Variants in FRZB observed in about 807,000 individuals in gnomAD.
The protein encoded by FRZB is secreted frizzled-related protein 3.
In FRZB, 34 loss-of-function variants were observed where a neutral mutation model predicts 32.5. That is an observed-to-expected ratio of 1.05 (90% CI 0.80 to 1.39). The LOEUF (loss-of-function observed/expected upper bound fraction) is 1.39, where lower values mean the gene tolerates loss of function less well. Among genes scored for constraint, FRZB ranks in the 40% most tolerant of loss-of-function variants. FRZB has a pLI of 0.00. For missense variants in FRZB, 423 were observed against 424.8 expected, an observed-to-expected ratio of 1.00 and a Z score of 0.04; for synonymous variants, 170 against 159.2, an observed-to-expected ratio of 1.07 and a Z score of -0.51.
chr2:182,843,606 CA>C (rs1353805975), intron 2 of FRZB, among the ~76,000 whole-genome samples: 2 of 151,956 alleles, frequency 1.3e-5, no homozygotes, highest in African/African-American at 2.4e-5. Context: ...AGGACATCAA[CA>C]AAAAAAGTTT....
At chr2:182,855,552 G>A (rs936976407) in intron 2 of FRZB, among the ~76,000 whole-genome samples, 3 of 152,078 alleles carry the variant, frequency 2.0e-5, no homozygotes, top group African/African-American at 4.8e-5. Flanking sequence ...CAAGACCAAC[G>A]AAAGAGTCAA....
intron 5 of FRZB, among the ~76,000 whole-genome samples, chr2:182,835,591 A>G (rs914229106): frequency 6.6e-6 from 1 of 152,148 alleles, no homozygotes; most frequent in Non-Finnish European, 1.5e-5. Context: ...GTAATATTTC[A>G]TATTAACAAT....
chr2:182,858,891 G>A (rs2105763281), intron 1 of FRZB, 58 bp from the exon 2 acceptor site: 1 of 1,394,466 alleles, frequency 7.2e-7, no homozygotes, highest in Middle Eastern at 1.8e-4. Context: ...AATTCCTAAA[G>A]ATAAAAATCT....
intron 2 of FRZB, among the ~76,000 whole-genome samples, chr2:182,845,612 T>G (rs1695630830): frequency 6.6e-6 from 1 of 152,176 alleles, no homozygotes; most frequent in Non-Finnish European, 1.5e-5. Context: ...CAAAATAGGC[T>G]AAGTAGTGAC....
intron 3 of FRZB, among the ~76,000 whole-genome samples, 158 bp from the exon 4 acceptor site, chr2:182,838,771 T>C (rs758936332): frequency 1.3e-5 from 2 of 152,082 alleles, no homozygotes; most frequent in Non-Finnish European, 2.9e-5. Context: ...CCTTAGACTG[T>C]AGTGTGTGAC....
chr2:182,853,887 C>T (rs144740171), intron 2 of FRZB, among the ~76,000 whole-genome samples: 146 of 152,202 alleles, frequency 9.6e-4, no homozygotes, highest in Non-Finnish European at 2.9e-4. Context: ...CAGCATTAGT[C>T]ATTGTAACAA....
intron 2 of FRZB, among the ~76,000 whole-genome samples, chr2:182,851,845 G>T (rs1373585697): frequency 6.6e-6 from 1 of 152,052 alleles, no homozygotes; most frequent in Non-Finnish European, 1.5e-5. Flanking sequence ...CCAACAGGAG[G>T]AATCCCTATG....
At chr2:182,855,059 T>A (rs532664021) in intron 2 of FRZB, among the ~76,000 whole-genome samples, 1 of 152,178 alleles carries the variant, frequency 6.6e-6, no homozygotes, top group Admixed American at 6.5e-5. Context: ...GTGGTATACA[T>A]GTGGGATAGA....
chr2:182,853,262 T>A (rs1695729316), intron 2 of FRZB, among the ~76,000 whole-genome samples: 1 of 152,238 alleles, frequency 6.6e-6, no homozygotes. Flanking sequence ...TAGTTTTACA[T>A]GTTGAACTGT....
chr2:182,835,835 A>G (rs367790327), intron 5 of FRZB, among the ~76,000 whole-genome samples: 1 of 152,082 alleles, frequency 6.6e-6, no homozygotes, highest in East Asian at 1.9e-4. Context: ...CACTTTAAAG[A>G]GCAAGCACCA....
intron 2 of FRZB, among the ~76,000 whole-genome samples, chr2:182,854,064 C>T (rs1695739542): frequency 6.6e-6 from 1 of 152,048 alleles, no homozygotes; most frequent in African/African-American, 2.4e-5. Context: ...CTGTAGAATT[C>T]CATTTATATA....
chr2:182,863,113 C>T (rs376039492), intron 1 of FRZB, among the ~76,000 whole-genome samples: 4 of 152,214 alleles, frequency 2.6e-5, no homozygotes, highest in East Asian at 1.9e-4. Flanking sequence ...ATAGTTTTGT[C>T]CTAATTTTAC....
chr2:182,861,995 T>C (rs372740374), intron 1 of FRZB, among the ~76,000 whole-genome samples: 3 of 152,338 alleles, frequency 2.0e-5, no homozygotes, highest in East Asian at 3.9e-4. Flanking sequence ...CTCAGAAGCA[T>C]GTTTTCCCTT....
intron 1 of FRZB, among the ~76,000 whole-genome samples, chr2:182,861,141 T>G (rs1695827565): frequency 6.6e-6 from 1 of 152,214 alleles, no homozygotes; most frequent in Admixed American, 6.5e-5. Context: ...CATAGATAAG[T>G]GTACTTCAAA....
chr2:182,858,419 A>T (rs571076572), intron 2 of FRZB, among the ~76,000 whole-genome samples: 2 of 152,326 alleles, frequency 1.3e-5, no homozygotes, highest in East Asian at 3.9e-4. Flanking sequence ...AGAGAAAACT[A>T]TAGTGATAAA....
chr2:182,857,616 CAAA>C (rs769804358), intron 2 of FRZB, among the ~76,000 whole-genome samples: 3 of 88,842 alleles, frequency 3.4e-5, no homozygotes, highest in Non-Finnish European at 7.0e-5. Flanking sequence ...GACTCCATCT[CAAA>C]AAAAAAAAAA....
Position 182,834,652 on chromosome 2 carries a change from C to G in FRZB, c.*197G>C, listed in dbSNP as rs769390872. The G allele has an allele frequency of 6.1e-5, 36 of 586,190 alleles. No individual in the cohort carries two copies. The highest frequency in any genetic ancestry group is 2.1e-4 in the Admixed American group (7 of 34,118). The allele number at this position is 586,190 out of a possible 1,614,324, so 36.3% of individuals were successfully genotyped here. ...TCACAATATACTTAAGAGTCTGCCC[C>G]CAAACCATTACAAAGGGGTTGAGAG... On this transcript the variant is annotated 3_prime_UTR_variant, in exon 6 of 6. Coordinates refer to ENST00000295113, the MANE Select transcript of FRZB (RefSeq NM_001463.4).
At chr2:182,848,949 G>A (rs938885529) in intron 2 of FRZB, among the ~76,000 whole-genome samples, 3 of 152,084 alleles carry the variant, frequency 2.0e-5, no homozygotes, top group Non-Finnish European at 2.9e-5. Context: ...TCTTTAGGCC[G>A]GGGTGCGGTG....
chr2:182,847,168 A>G (rs571654934), intron 2 of FRZB, among the ~76,000 whole-genome samples: 1 of 152,356 alleles, frequency 6.6e-6, no homozygotes, highest in South Asian at 2.1e-4. Flanking sequence ...CATGTGATAC[A>G]TGACATGAAA....
Sources: allele counts gnomAD v4.1 joint callset (sites outside exome capture counted in the v4.1 genomes callset), GRCh38; gene constraint gnomAD v4.1.1; transcripts MANE v1.5; gene names NCBI Gene and HGNC (gene_info 2026-07-23, HGNC 2026-07-21).